Variants in ZDHHC9 observed in about 807,000 individuals in gnomAD.
The protein encoded by ZDHHC9 is palmitoyltransferase ZDHHC9.
A neutral mutation model predicts 26.6 loss-of-function variants in ZDHHC9; 3 were observed. The observed-to-expected ratio is 0.11, with a 90% CI of 0.05 to 0.29. The LOEUF (loss-of-function observed/expected upper bound fraction) is 0.29. Among genes scored for constraint, ZDHHC9 ranks in the 10% least tolerant of loss-of-function variants. ZDHHC9 has a pLI of 1.00. For missense variants in ZDHHC9, 146 were observed against 296.4 expected (o/e 0.49, Z 3.73); for synonymous variants, 111 against 109.4 (o/e 1.01, Z -0.09).
intron 3 of ZDHHC9, among the ~76,000 whole-genome samples, chrX:129,835,446 CAAAA>C (rs59940283): frequency 5.5e-5 from 3 of 54,221 alleles, no homozygotes; most frequent in Non-Finnish European, 4.0e-5. Context: ...GACCCTATCT[CAAAA>C]AAAAAAAAAA....
intron 10 of ZDHHC9, among the ~76,000 whole-genome samples, chrX:129,810,133 G>C (rs181898250): frequency 1.8e-5 from 2 of 109,715 alleles, no homozygotes; most frequent in East Asian, 5.7e-4. Flanking sequence ...GGAGGATCAC[G>C]AGGTCAGGAG....
chrX:129,805,368 A>G lies in ZDHHC9; in HGVS notation c.*1002T>C. ...AGGGTACATCGGGGGAGAGGAGAGG[A>G]GAGGAGAGCCTCTCTGTGCCTTGGT... is the stretch of plus-strand genomic sequence containing the variant. On this transcript the variant is annotated 3_prime_UTR_variant, in exon 11 of 11. Coordinates refer to ENST00000357166, the MANE Select transcript of ZDHHC9 (RefSeq NM_016032.4). The G allele has an allele frequency of 9.1e-6, 1 of 110,217 alleles. No homozygotes were observed. The highest frequency in any genetic ancestry group is 1.9e-5 in the Non-Finnish European group (1 of 52,407). 9.1% of individuals were successfully genotyped at this position (110,217 alleles called of 1,213,427 possible).
At chrX:129,807,988 C>T (rs144806293) in intron 10 of ZDHHC9, among the ~76,000 whole-genome samples, 4,625 of 111,767 alleles carry the variant, frequency 0.041, 237 homozygotes, top group African/African-American at 0.14. Context: ...GAAAAATAAT[C>T]AAATATTTAT....
intron 2 of ZDHHC9, 110 bp from the exon 3 acceptor site, chrX:129,842,190 G>A (rs1371865059): frequency 2.2e-5 from 9 of 412,713 alleles, no homozygotes; most frequent in East Asian, 1.6e-4. Flanking sequence ...GGGTGGGGAC[G>A]GGGAAGTGGG....
intron 10 of ZDHHC9, among the ~76,000 whole-genome samples, chrX:129,807,315 G>A (rs964816938): frequency 1.5e-4 from 16 of 108,379 alleles, no homozygotes; most frequent in South Asian, 4.0e-4. Flanking sequence ...GCGCGGTGGC[G>A]GGCGCCTGTA....
rs777977615 is a variant in ZDHHC9, at chrX:129,833,084, G to T, written c.168-3943C>A. ...TAATATCCATATACTTCTTAAAACA[G>T]AACTCTCCTGTATTCAAAGTACCAA... On this transcript the variant is annotated intron_variant, in intron 3 of 10. Coordinates refer to ENST00000357166, the MANE Select transcript of ZDHHC9 (RefSeq NM_016032.4). Among the ~76,000 whole-genome samples, 4 of 110,210 alleles carry T rather than the reference G, an allele frequency of 3.6e-5. No individual in the cohort carries two copies. The East Asian group carries it at 1.1e-3, about 31-fold the overall frequency.
At chrX:129,842,109 A>G (rs1928396555) in intron 2 of ZDHHC9, 29 bp from the exon 3 acceptor site, 1 of 584,329 alleles carries the variant, frequency 1.7e-6, no homozygotes, top group Non-Finnish European at 2.7e-6. Context: ...AGAAAAAAAA[A>G]TGAGGCAATA....
chrX:129,813,269 G>A (rs1323721373), intron 7 of ZDHHC9, among the ~76,000 whole-genome samples: 2 of 111,949 alleles, frequency 1.8e-5, no homozygotes, highest in Non-Finnish European at 3.8e-5. Flanking sequence ...CGTGGTGGCG[G>A]GCATCTGTAG....
chrX:129,822,066 C>T (rs1927900415), intron 5 of ZDHHC9, among the ~76,000 whole-genome samples: 1 of 111,364 alleles, frequency 9.0e-6, no homozygotes, highest in Non-Finnish European at 1.9e-5. Flanking sequence ...GGATCCAGTA[C>T]CAGAAATACC....
At chrX:129,816,920 T>G (rs920115818) in intron 5 of ZDHHC9, among the ~76,000 whole-genome samples, 11 of 111,520 alleles carry the variant, frequency 9.9e-5, no homozygotes, top group African/African-American at 3.3e-4. Flanking sequence ...TTCACACTTG[T>G]CACCCAGGCT....
chrX:129,812,863 G>GGC, intron 7 of ZDHHC9, 43 bp from the exon 8 acceptor site: 1 of 933,601 alleles, frequency 1.1e-6, no homozygotes, highest in Non-Finnish European at 1.6e-6. Context: ...AACATCAGGA[G>GGC]ACTTGATGCC....
intron 3 of ZDHHC9, among the ~76,000 whole-genome samples, chrX:129,835,545 G>A (rs1259870713): frequency 9.0e-6 from 1 of 111,086 alleles, no homozygotes; most frequent in Non-Finnish European, 1.9e-5. Flanking sequence ...CACTTTGGGA[G>A]GCAGAGGCGG....
chrX:129,828,063 C>T (rs1024194467), intron 4 of ZDHHC9, among the ~76,000 whole-genome samples: 4 of 111,315 alleles, frequency 3.6e-5, no homozygotes, highest in East Asian at 2.9e-4. Context: ...GTGATCTGCC[C>T]GCCTCAGCCT....
intron 3 of ZDHHC9, among the ~76,000 whole-genome samples, chrX:129,832,562 T>C (rs1194218076): frequency 9.0e-6 from 1 of 110,543 alleles, no homozygotes; most frequent in East Asian, 2.8e-4. Context: ...GGTGGGTGGA[T>C]CACAAGGTCA....
At chrX:129,819,172 CAAAAAAAAAAAA>C (rs10555509) in intron 5 of ZDHHC9, among the ~76,000 whole-genome samples, 10 of 36,085 alleles carry the variant, frequency 2.8e-4, no homozygotes, top group African/African-American at 1.1e-3. Context: ...GCCTCCGTCT[CAAAAAAAAAAAA>C]AAAAAAAAAA....
intron 3 of ZDHHC9, 47 bp downstream of exon 3, chrX:129,841,732 G>A (rs898974911): frequency 1.7e-6 from 2 of 1,206,229 alleles, no homozygotes; most frequent in Non-Finnish European, 2.2e-6. Context: ...TCTTCCCCTG[G>A]ACCCAAAGTA....
chrX:129,813,725 T>C lies in ZDHHC9; in HGVS notation c.626A>G (p.Lys209Arg). ...FAFNIVYVAL[K>R]SLKIGFLETL... is the part of the protein sequence containing the mutation. ...CTCCAAGAAGCCAATTTTCAAAGAT[T>C]CTGTGAAATTGGATGGAAGAGTAGA... is the stretch of plus-strand genomic sequence containing the variant. Residue 209 changes from lysine to arginine, a missense_variant and splice_region_variant, in exon 7 of 11, where the codon AAA becomes AGA. By Grantham distance (26) the Lys-to-Arg change is conservative. This residue lies in a region of ZDHHC9 where 100 missense variants were observed against 250.0 expected (regional missense o/e 0.40). Coordinates refer to ENST00000357166, the MANE Select transcript of ZDHHC9 (RefSeq NM_016032.4). 8.3e-7 allele frequency: 1 copy of C among 1,208,757 alleles called. No homozygotes were observed. Among genetic ancestry groups the C allele is most frequent in the South Asian group, 1.8e-5 (1 of 56,893 alleles).
At position 129,804,026 on chromosome X, in the gene ZDHHC9, A is replaced by T. The variant is rs1927454431; in HGVS notation, c.*2344T>A. 1 of 111,726 alleles carries T rather than the reference A, an allele frequency of 9.0e-6. No individual in the cohort carries two copies. The highest frequency in any genetic ancestry group is 1.9e-5 in the Non-Finnish European group (1 of 53,106). The allele number at this position is 111,726 out of a possible 1,213,427, so 9.2% of individuals were successfully genotyped here. ...AGAAAGAGGGCAGGGAGTATGAAAA[A>T]GCAGAAAATCATTTCACACTAGAGA... On this transcript the variant is annotated 3_prime_UTR_variant, in exon 11 of 11. Transcript: ENST00000357166.
At chrX:129,832,723 C>T (rs1023677920) in intron 3 of ZDHHC9, among the ~76,000 whole-genome samples, 1 of 110,553 alleles carries the variant, frequency 9.0e-6, no homozygotes, top group African/African-American at 3.3e-5. Context: ...GTGGAGCTTG[C>T]AGTGAGCGGA....
Sources: gnomAD v4.1 joint callset for allele counts (sites outside exome capture counted in the v4.1 genomes callset) on GRCh38, gnomAD v4.1.1 for gene constraint, gnomAD v4.1.1 regional missense constraint, MANE v1.5 for transcripts, NCBI Gene and HGNC (gene_info 2026-07-23, HGNC 2026-07-21) for gene names.